WDR11: variants seen among roughly 807,000 people sequenced by gnomAD.
WDR11 encodes WD repeat domain 11, also known as WD repeat-containing protein 11.
WDR11 carries 83 observed loss-of-function variants against 151.2 expected under a neutral mutation model. The observed-to-expected ratio is 0.55, with a 90% CI of 0.46 to 0.66. The LOEUF is 0.66. Among genes scored for constraint, WDR11 ranks in the 30% least tolerant of loss-of-function variants. The pLI is 0.00. For missense variants in WDR11, 1,301 were observed against 1,480.9 expected (o/e 0.88, Z 1.99); for synonymous variants, 484 against 533.1 (o/e 0.91, Z 1.27).
Position 120,905,213 on chromosome 10 carries a change from T to C in WDR11, c.3194-106T>C, listed in dbSNP as rs201994184. On this transcript the variant is annotated intron_variant, in intron 25 of 28. Coordinates refer to ENST00000263461, the MANE Select transcript of WDR11 (RefSeq NM_018117.12). Reference sequence around the variant, plus strand: ...AAATCAAGAATGTCTTCAGTAGGTATAAAATGGGCACGACTAGATAAGGTC... The same window carrying C: ...AAATCAAGAATGTCTTCAGTAGGTACAAAATGGGCACGACTAGATAAGGTC... 784 of 1,055,710 alleles carry C rather than the reference T, an allele frequency of 7.4e-4. 7 individuals carry two copies. The Admixed American group carries it at 0.011, about 15-fold the overall frequency. The allele number at this position is 1,055,710 out of a possible 1,614,324, so 65.4% of individuals were successfully genotyped here.
intron 26 of WDR11, 97 bp from the exon 27 acceptor site, chr10:120,905,779 T>C: frequency 6.2e-7 from 1 of 1,606,318 alleles, no homozygotes; most frequent in Admixed American, 1.7e-5. Context: ...GAGCATAGCC[T>C]GTATTTCATA....
Position 120,903,090 on chromosome 10 carries a change from C to G in WDR11, c.2789C>G (p.Thr930Ser). 6.2e-7 allele frequency: 1 copy of G among 1,614,178 alleles called. No homozygotes were observed. The highest frequency in any genetic ancestry group is 8.5e-7 in the Non-Finnish European group (1 of 1,180,034). The change falls in exon 23 of 29, where the codon ACT (threonine) becomes AGT (serine). Residue 930 changes from threonine (T) to serine (S), a missense_variant. Thr to Ser is a moderately conservative substitution (Grantham distance 58). Around this residue, in one of 3 missense-constraint regions of WDR11, gnomAD observed 589 missense variants for 670.6 expected, o/e 0.88. Transcript: ENST00000263461. ...GATGAATCGGAGCTGCACTTCTGGA[C>G]TGTCGCTGCCCACTACCTGCACAGC... ...YGDESELHFW[T>S]VAAHYLHSLS...
intron 6 of WDR11, among the ~76,000 whole-genome samples, 163 bp from the exon 7 acceptor site, chr10:120,865,467 G>T (rs1846279437): frequency 1.3e-5 from 2 of 151,946 alleles, no homozygotes; most frequent in African/African-American, 2.4e-5. Context: ...AATTATTTTA[G>T]GATTATAAAT....
intron 12 of WDR11, chr10:120,879,172 GTGTA>G (rs1846909722): frequency 1.3e-5 from 2 of 152,206 alleles, no homozygotes; most frequent in African/African-American, 2.4e-5. Context: ...ATGAGAGCAT[GTGTA>G]TGTATGTGTA....
chr10:120,883,669 T>A, intron 13 of WDR11, 111 bp from the exon 14 acceptor site: 1 of 836,190 alleles, frequency 1.2e-6, no homozygotes. Flanking sequence ...AAATTGTCTA[T>A]ATTTAGAATG....
In WDR11 at chr10:120,906,824, G is replaced by A. The variant is rs762136069; in HGVS notation, c.3486G>A (p.Lys1162=). 2 of 1,614,082 alleles carry A rather than the reference G, an allele frequency of 1.2e-6. No individual in the cohort carries two copies. The change falls in exon 28 of 29, where the codon AAG becomes AAA. Residue 1162 remains lysine, a synonymous_variant. Transcript: ENST00000263461. ...CCTTATTTGTGGAAGCTTGCCTCAA[G>A]TATGGAGCATTTGAAGTCACTGAGG... ...RAALFVEACL[K]YGAFEVTEDT...
chr10:120,873,943 G>T lies in WDR11; in HGVS notation c.1556+20G>T, dbSNP rs1248347953. On this transcript the variant is annotated intron_variant, in intron 11 of 28. Coordinates refer to ENST00000263461, the MANE Select transcript of WDR11 (RefSeq NM_018117.12). ...AGTCAAGTAAGTATGTCATTGTGAT[G>T]ATGACATCACAAACATCATATCAGA... 6.5e-6 allele frequency: 10 copies of T among 1,535,014 alleles called. No homozygotes were observed. Among genetic ancestry groups the T allele is most frequent in the Non-Finnish European group, 7.2e-6 (8 of 1,108,672 alleles).
chr10:120,851,526 A>G lies in WDR11; in HGVS notation c.86+20A>G, dbSNP rs757025421. Reference sequence around the variant, plus strand: ...GGACTGGTGAGGACGCCGAGCTTCCAGGTCGCCAGGATCGGCCAGGAATGT... The same window carrying G: ...GGACTGGTGAGGACGCCGAGCTTCCGGGTCGCCAGGATCGGCCAGGAATGT... On this transcript the variant is annotated intron_variant, in intron 1 of 28. Transcript: ENST00000263461. 6.2e-7 allele frequency: 1 copy of G among 1,605,388 alleles called. No homozygotes were observed. Among genetic ancestry groups the G allele is most frequent in the African/African-American group, 1.3e-5 (1 of 75,004 alleles).
In WDR11 at chr10:120,863,949, C is replaced by A. The variant is rs925325586; in HGVS notation, c.713+1028C>A. On this transcript the variant is annotated intron_variant, in intron 5 of 28. Transcript: ENST00000263461. The stretch of plus-strand genomic sequence containing the variant: ...GAGAACTTTCTATTTTTTATGTATT[C>A]CCTCTCATAAACAAGAAATTATTTG... Among the ~76,000 whole-genome samples the A allele has an allele frequency of 2.6e-5, 4 of 151,984 alleles. No individual in the cohort carries two copies. In the South Asian group the frequency reaches 8.3e-4, roughly 32 times the overall value.
intron 19 of WDR11, among the ~76,000 whole-genome samples, chr10:120,895,218 A>G (rs1421370384): frequency 6.6e-6 from 1 of 152,162 alleles, no homozygotes; most frequent in Non-Finnish European, 1.5e-5. Flanking sequence ...TTTTTCCCTG[A>G]CATTTACCAT....
chr10:120,869,800 A>ATTTTT (rs386372655), intron 9 of WDR11, among the ~76,000 whole-genome samples: 8 of 151,280 alleles, frequency 5.3e-5, no homozygotes, highest in African/African-American at 9.7e-5. Flanking sequence ...ATTTTATTTT[A>ATTTTT]TTTTTTTTGA....
At chr10:120,866,791 T>G in intron 8 of WDR11, 27 bp downstream of exon 8, 1 of 1,613,004 alleles carries the variant, frequency 6.2e-7, no homozygotes, top group Non-Finnish European at 8.5e-7. Flanking sequence ...GATCATGGTT[T>G]TGTTTTTTGT....
rs573619956 is a variant in WDR11 at position 120,870,266 on chromosome 10, G to A, written c.1295-904G>A. Among the ~76,000 whole-genome samples, 7 of 152,224 alleles carry A rather than the reference G, an allele frequency of 4.6e-5. No individual in the cohort carries two copies. In the East Asian group the frequency reaches 1.3e-3, roughly 29 times the overall value. On this transcript the variant is annotated intron_variant, in intron 9 of 28. Transcript: ENST00000263461. Reference sequence around the variant, plus strand: ...AGGTTGTATTTATCACCCACTCTTAGTAATTATTTATACTTTTCCTTTCAC... The same window carrying A: ...AGGTTGTATTTATCACCCACTCTTAATAATTATTTATACTTTTCCTTTCAC...
intron 11 of WDR11, among the ~76,000 whole-genome samples, chr10:120,875,296 T>C (rs1276605862): frequency 6.6e-6 from 1 of 152,242 alleles, no homozygotes; most frequent in Non-Finnish European, 1.5e-5. Context: ...AGCATTTATT[T>C]GATTTTTAGG....
chr10:120,906,067 G>T (rs764514641), intron 27 of WDR11, 46 bp downstream of exon 27: 1 of 1,612,466 alleles, frequency 6.2e-7, no homozygotes, highest in Non-Finnish European at 8.5e-7. Flanking sequence ...CCCGTGAGCA[G>T]TCACTTCATG....
intron 2 of WDR11, 79 bp downstream of exon 2, chr10:120,852,714 G>A: frequency 8.1e-7 from 1 of 1,227,080 alleles, no homozygotes; most frequent in Non-Finnish European, 1.2e-6. Flanking sequence ...CTCTCATTAA[G>A]TCTTACGTGT....
intron 11 of WDR11, among the ~76,000 whole-genome samples, chr10:120,877,743 T>A (rs781517363): frequency 3.9e-5 from 6 of 152,224 alleles, no homozygotes; most frequent in Non-Finnish European, 5.9e-5. Context: ...TAGAAAGTTG[T>A]TTTTCTACCT....
chr10:120,878,119 A>G (rs1304517052), intron 11 of WDR11, among the ~76,000 whole-genome samples: 1 of 152,122 alleles, frequency 6.6e-6, no homozygotes, highest in Admixed American at 6.5e-5. Flanking sequence ...TGATAATTAA[A>G]CTATCTTGTC....
intron 18 of WDR11, 54 bp downstream of exon 18, chr10:120,890,063 G>A (rs898280103): frequency 7.7e-7 from 1 of 1,299,964 alleles, no homozygotes; most frequent in African/African-American, 1.5e-5. Flanking sequence ...CATAGGAACT[G>A]TGCTTTGTTA....
Sources: allele counts gnomAD v4.1 joint callset (sites outside exome capture counted in the v4.1 genomes callset), GRCh38; gene constraint gnomAD v4.1.1; regional missense constraint gnomAD v4.1.1; transcripts MANE v1.5; gene names NCBI Gene and HGNC (gene_info 2026-07-23, HGNC 2026-07-21).